VPS8: variants seen among roughly 807,000 people sequenced by gnomAD.
VPS8 encodes the protein VPS8 subunit of CORVET complex, also known as vacuolar protein sorting-associated protein 8 homolog.
In VPS8, 129 loss-of-function variants were observed where a neutral mutation model predicts 216.4. The observed-to-expected ratio is 0.60, with a 90% CI of 0.52 to 0.69. The LOEUF (loss-of-function observed/expected upper bound fraction) is 0.69. Among genes scored for constraint, VPS8 ranks in the 30% least tolerant of loss-of-function variants. The pLI, the probability that VPS8 is intolerant of heterozygous loss-of-function variation, is 0.00. For synonymous variants in VPS8, 571 were observed against 565.4 expected (o/e 1.01, Z -0.14); for missense variants, 1,531 against 1,683.5 (o/e 0.91, Z 1.59).
chr3:184,925,867 G>A (rs375186337), intron 30 of VPS8, among the ~76,000 whole-genome samples: 7 of 148,462 alleles, frequency 4.7e-5, no homozygotes, highest in African/African-American at 1.7e-4. Flanking sequence ...TTGGCCTCCT[G>A]GGTTCAAGTG....
chr3:184,869,186 A>G, intron 19 of VPS8, 150 bp downstream of exon 19: 1 of 763,144 alleles, frequency 1.3e-6, no homozygotes, highest in Non-Finnish European at 2.1e-6. Flanking sequence ...TCAGTTAAGA[A>G]GGTTAATGTG....
intron 1 of VPS8, chr3:184,813,773 C>A (rs528536830): frequency 6.6e-6 from 1 of 152,328 alleles, no homozygotes; most frequent in African/African-American, 2.4e-5. Flanking sequence ...TGATTCTTAG[C>A]TGTATCTCAC....
At chr3:184,879,352 CTTG>C (rs1729867096) in intron 21 of VPS8, among the ~76,000 whole-genome samples, 1 of 152,036 alleles carries the variant, frequency 6.6e-6, no homozygotes. Flanking sequence ...GAAATAGTTA[CTTG>C]TTTTCTTTTT....
intron 40 of VPS8, among the ~76,000 whole-genome samples, chr3:184,976,642 A>G (rs1749313412): frequency 6.6e-6 from 1 of 151,934 alleles, no homozygotes; most frequent in African/African-American, 2.4e-5. Flanking sequence ...TATATTCCCC[A>G]GTGTCTATTG....
chr3:184,912,476 T>C (rs1159184586), intron 25 of VPS8, among the ~76,000 whole-genome samples: 1 of 152,156 alleles, frequency 6.6e-6, no homozygotes, highest in Non-Finnish European at 1.5e-5. Flanking sequence ...TTCGTTTGTT[T>C]GTTTTTGTTT....
intron 21 of VPS8, among the ~76,000 whole-genome samples, chr3:184,879,429 GAATATTCTT>G (rs1389841635): frequency 3.9e-5 from 6 of 152,006 alleles, no homozygotes; most frequent in Admixed American, 3.9e-4. Flanking sequence ...AGACTGAGTA[GAATATTCTT>G]AATATTCTTA....
Position 184,824,674 on chromosome 3 carries a change from C to T in VPS8, c.42C>T (p.Leu14=), listed in dbSNP as rs1199002462. 3 of 1,613,858 alleles carry T rather than the reference C, an allele frequency of 1.9e-6. No individual in the cohort carries two copies. Among genetic ancestry groups the T allele is most frequent in the Non-Finnish European group, 2.5e-6 (3 of 1,179,904 alleles). ...ACCATGAAAATGTGGAACAGAGCCT[C>T]TGTGCCAAGACGAGCGAAGAAGAGC... ...EPDHENVEQS[L]CAKTSEEELN... The change falls in exon 2 of 48, where the codon CTC becomes CTT. Residue 14 remains leucine, a synonymous_variant. Transcript: ENST00000625842.
intron 45 of VPS8, among the ~76,000 whole-genome samples, chr3:185,021,922 A>G (rs570909668): frequency 2.0e-5 from 3 of 152,336 alleles, no homozygotes; most frequent in Admixed American, 1.3e-4. Context: ...TTCTAGTCAG[A>G]TAGTATCGAG....
At chr3:184,989,391 T>C (rs1429527668) in intron 42 of VPS8, among the ~76,000 whole-genome samples, 2 of 152,186 alleles carry the variant, frequency 1.3e-5, no homozygotes, top group African/African-American at 2.4e-5. Context: ...TTATTTAGCC[T>C]GTTGATGTGG....
chr3:185,018,766 G>A (rs1452103945), intron 45 of VPS8, among the ~76,000 whole-genome samples: 1 of 152,152 alleles, frequency 6.6e-6, no homozygotes, highest in Non-Finnish European at 1.5e-5. Flanking sequence ...CTGTTAATCT[G>A]GGGGGTGTAT....
intron 3 of VPS8, among the ~76,000 whole-genome samples, chr3:184,831,309 A>G (rs1719931686): frequency 6.6e-6 from 1 of 152,214 alleles, no homozygotes; most frequent in East Asian, 1.9e-4. Context: ...CCTGGGTGAC[A>G]GGGAATGGTC....
At chr3:185,003,540 C>A (rs1272780563) in intron 45 of VPS8, among the ~76,000 whole-genome samples, 2 of 150,514 alleles carry the variant, frequency 1.3e-5, no homozygotes, top group Non-Finnish European at 3.0e-5. Flanking sequence ...TGAAAAGTCT[C>A]CCATGTCTAC....
At chr3:184,857,427 A>G (rs1385834239) in intron 14 of VPS8, among the ~76,000 whole-genome samples, 5 of 152,252 alleles carry the variant, frequency 3.3e-5, no homozygotes, top group African/African-American at 9.6e-5. Context: ...TCTAAAATGT[A>G]AAGTCAGAAA....
chr3:184,946,431 C>T (rs1034295408), intron 36 of VPS8, among the ~76,000 whole-genome samples: 1 of 152,202 alleles, frequency 6.6e-6, no homozygotes, highest in African/African-American at 2.4e-5. Context: ...CGGAGTAAAC[C>T]ATGCTAGATT....
At chr3:184,819,423 G>T (rs1717062415) in intron 1 of VPS8, among the ~76,000 whole-genome samples, 2 of 152,188 alleles carry the variant, frequency 1.3e-5, no homozygotes, top group Non-Finnish European at 2.9e-5. Context: ...GTTGGGTGAA[G>T]AACTAGTTGT....
At chr3:184,989,468 G>A (rs547702619) in intron 42 of VPS8, among the ~76,000 whole-genome samples, 7 of 151,364 alleles carry the variant, frequency 4.6e-5, no homozygotes, top group South Asian at 4.2e-4. Flanking sequence ...GGGTCTCACC[G>A]TGTTGCCCAA....
At chr3:184,948,733 A>T (rs1022333017) in intron 36 of VPS8, among the ~76,000 whole-genome samples, 5 of 152,208 alleles carry the variant, frequency 3.3e-5, no homozygotes, top group African/African-American at 4.8e-5. Flanking sequence ...TAGACATGGC[A>T]CCAGGCTAGT....
chr3:185,050,736 C>G (rs1029125422), intron 47 of VPS8, among the ~76,000 whole-genome samples: 2 of 152,194 alleles, frequency 1.3e-5, no homozygotes, highest in Non-Finnish European at 2.9e-5. Context: ...CCCTCGGACT[C>G]CTGGAGTGTT....
intron 29 of VPS8, 124 bp downstream of exon 29, chr3:184,920,322 T>C: frequency 1.6e-6 from 1 of 616,764 alleles, no homozygotes; most frequent in Non-Finnish European, 2.6e-6. Context: ...TAAAATTTTA[T>C]TACGGTGTCT....
Sources: gnomAD v4.1 joint callset for allele counts (sites outside exome capture counted in the v4.1 genomes callset) on GRCh38, gnomAD v4.1.1 for gene constraint, MANE v1.5 for transcripts, NCBI Gene and HGNC (gene_info 2026-07-23, HGNC 2026-07-21) for gene names.